ANK3: variants seen among roughly 807,000 people sequenced by gnomAD.
The protein encoded by ANK3 is ankyrin 3.
A neutral mutation model predicts 370.9 loss-of-function variants in ANK3; 57 were observed. That is an observed-to-expected ratio of 0.15 (90% CI 0.12 to 0.19). The LOEUF is 0.19. Ranked by LOEUF, ANK3 falls within the 10% of genes least tolerant of loss-of-function variation. The pLI, the probability that ANK3 is intolerant of heterozygous loss-of-function variation, is 1.00. For synonymous variants in ANK3, 1,929 were observed against 1,946.3 expected (o/e 0.99, Z 0.23); for missense variants, 4,439 against 5,302.1 (o/e 0.84, Z 5.06).
intron 1 of ANK3, among the ~76,000 whole-genome samples, chr10:60,366,135 C>T (rs1317737754): frequency 1.3e-5 from 2 of 151,860 alleles, no homozygotes; most frequent in Non-Finnish European, 2.9e-5. Context: ...GTCAGAAGTT[C>T]GAGACCAGCC....
chr10:60,416,848 T>A (rs559952787), intron 2 of ANK3, among the ~76,000 whole-genome samples: 1 of 152,134 alleles, frequency 6.6e-6, no homozygotes, highest in South Asian at 2.1e-4. Context: ...TTCCAGGGGG[T>A]CTCATTTGTT....
intron 1 of ANK3, among the ~76,000 whole-genome samples, chr10:60,336,611 C>G (rs2053002792): frequency 1.3e-5 from 2 of 151,490 alleles, no homozygotes. Context: ...ACATATTTAG[C>G]TAGCTGGCTT....
chr10:60,251,620 C>T (rs186490921), intron 7 of ANK3, among the ~76,000 whole-genome samples: 25 of 152,272 alleles, frequency 1.6e-4, no homozygotes, highest in Non-Finnish European at 7.4e-5. Context: ...GTGGCTCTGG[C>T]CAGACTCCAC....
At chr10:60,298,634 G>GC (rs967896788) in intron 1 of ANK3, among the ~76,000 whole-genome samples, 2 of 152,048 alleles carry the variant, frequency 1.3e-5, no homozygotes, top group African/African-American at 4.8e-5. Flanking sequence ...CAAACAGCAT[G>GC]CCCACCAAAA....
At chr10:60,126,501 T>C (rs1005397382) in intron 25 of ANK3, among the ~76,000 whole-genome samples, 2 of 151,936 alleles carry the variant, frequency 1.3e-5, no homozygotes, top group East Asian at 1.9e-4. Context: ...ACCTGGCCAG[T>C]ATGGTGAAAC....
At chr10:60,191,726 T>C (rs1408924366) in intron 16 of ANK3, among the ~76,000 whole-genome samples, 1 of 152,194 alleles carries the variant, frequency 6.6e-6, no homozygotes, top group African/African-American at 2.4e-5. Context: ...TACCACTGGT[T>C]AGATACCGCT....
At chr10:60,125,304 G>C (rs776499792) in intron 25 of ANK3, among the ~76,000 whole-genome samples, 7 of 152,194 alleles carry the variant, frequency 4.6e-5, no homozygotes, top group Non-Finnish European at 1.0e-4. Flanking sequence ...TCGAACAAAA[G>C]AAGGTGAATC....
At chr10:60,676,446 T>C (rs1347529962) in intron 1 of ANK3, among the ~76,000 whole-genome samples, 3 of 152,228 alleles carry the variant, frequency 2.0e-5, no homozygotes, top group African/African-American at 7.2e-5. Context: ...GTCTGTTATA[T>C]ACATTTTCAG....
At chr10:60,279,298 A>C in intron 2 of ANK3, 150 bp from the exon 3 acceptor site, 1 of 740,218 alleles carries the variant, frequency 1.4e-6, no homozygotes, top group Non-Finnish European at 2.2e-6. Context: ...ATTAGGAATC[A>C]AAGTACTTCA....
chr10:60,431,517 C>A lies in ANK3; in HGVS notation c.97-151878G>T, dbSNP rs189717952. 2.8e-3 allele frequency among the ~76,000 whole-genome samples: 431 copies of A among 152,218 alleles called. 7 individuals carry two copies. The highest frequency in any genetic ancestry group is 0.02 in the Admixed American group (301 of 15,288). On this transcript the variant is annotated intron_variant, in intron 2 of 43. Coordinates refer to the ANK3 transcript ENST00000373827. ...ACAGACCACTACTGGGGAATAAGGA[C>A]CCCCGAAGTAAAGTATTTATCATAA... is the stretch of plus-strand genomic sequence containing the variant.
At chr10:60,406,667 C>T (rs2063462926) in intron 2 of ANK3, among the ~76,000 whole-genome samples, 1 of 152,118 alleles carries the variant, frequency 6.6e-6, no homozygotes, top group Non-Finnish European at 1.5e-5. Flanking sequence ...AGGGCTCCTG[C>T]CCTAGATAAG....
chr10:60,070,501 G>T lies in ANK3; in HGVS notation c.10380C>A (p.Ser3460Arg). The change falls in exon 37 of 44, where the codon AGC becomes AGA. Residue 3460 changes from serine to arginine, a missense_variant. Coordinates refer to ENST00000280772, the MANE Select transcript of ANK3 (RefSeq NM_020987.5). The surrounding 1 kb of genome is among the most constrained non-coding windows in gnomAD (Gnocchi z 5.7). ...GILKPADRSF[S>R]QSKLEVIEEE... ...CCTCGATAACTTCAAGTTTACTTTG[G>T]CTAAAAGAGCGGTCAGCTGGCTTCA... The T allele has an allele frequency of 6.2e-7, 1 of 1,614,090 alleles. No individual in the cohort carries two copies. Among genetic ancestry groups the T allele is most frequent in the Non-Finnish European group, 8.5e-7 (1 of 1,180,002 alleles).
At position 60,699,911 on chromosome 10, in the gene ANK3, T is replaced by G. The variant is rs190653560; in HGVS notation, c.57+33352A>C. 1.7e-3 allele frequency among the ~76,000 whole-genome samples: 266 copies of G among 152,324 alleles called. 2 individuals carry two copies. Among genetic ancestry groups the G allele is most frequent in the African/African-American group, 6.2e-3 (258 of 41,584 alleles). ...ACTGTTTAAATTCGTGATACAAATG[T>G]TAGATGTCGACTACAAAATGTACAA... On this transcript the variant is annotated intron_variant, in intron 1 of 43. Coordinates refer to the ANK3 transcript ENST00000373827.
intron 1 of ANK3, among the ~76,000 whole-genome samples, chr10:60,303,811 T>C (rs1156286602): frequency 2.6e-5 from 4 of 152,146 alleles, no homozygotes; most frequent in Admixed American, 1.3e-4. Context: ...GCATTATTCA[T>C]AATAGCCAAG....
chr10:60,677,039 T>G (rs978967196), intron 1 of ANK3, among the ~76,000 whole-genome samples: 4 of 152,164 alleles, frequency 2.6e-5, no homozygotes, highest in Non-Finnish European at 5.9e-5. Context: ...ATTTTAAAAC[T>G]TTTTTTAAGA....
chr10:60,344,755 A>G (rs960225486), intron 1 of ANK3, among the ~76,000 whole-genome samples: 2 of 152,332 alleles, frequency 1.3e-5, no homozygotes, highest in East Asian at 1.9e-4. Flanking sequence ...AGTGACTATC[A>G]GTGGGAGGTA....
At chr10:60,512,281 AAC>A (rs1322857806) in intron 2 of ANK3, among the ~76,000 whole-genome samples, 1 of 152,162 alleles carries the variant, frequency 6.6e-6, no homozygotes, top group East Asian at 1.9e-4. Flanking sequence ...ACTAAAAACC[AAC>A]ACTCTCATGT....
rs561118455 is a variant in ANK3 at position 60,567,345 on chromosome 10, T to TA, written c.96+47840dup. Among the ~76,000 whole-genome samples, 8 of 152,276 alleles carry TA rather than the reference T, an allele frequency of 5.3e-5. No individual in the cohort carries two copies. The South Asian group carries it at 1.7e-3, about 32-fold the overall frequency. ...ATCCTAGAGTCCTTAAGAATTATGC[T>TA]AAATCTACTCTGCTTGTGATATATA... On this transcript the variant is annotated intron_variant, in intron 2 of 43. Transcript: ENST00000373827.
intron 5 of ANK3, among the ~76,000 whole-genome samples, chr10:60,265,970 CT>C (rs1385540847): frequency 6.6e-6 from 1 of 152,170 alleles, no homozygotes; most frequent in Non-Finnish European, 1.5e-5. Context: ...ATGCCCTCTT[CT>C]TTTCTCTATG....
Sources: allele counts gnomAD v4.1 joint callset (sites outside exome capture counted in the v4.1 genomes callset), GRCh38; gene constraint gnomAD v4.1.1; non-coding constraint Gnocchi (gnomAD v3.1); transcripts MANE v1.5; gene names NCBI Gene and HGNC (gene_info 2026-07-23, HGNC 2026-07-21).